PBX3: variants seen among roughly 807,000 people sequenced by gnomAD.
PBX3 encodes the protein pre-B-cell leukemia transcription factor 3.
PBX3 carries 14 observed loss-of-function variants against 48.5 expected under a neutral mutation model. The ratio of observed to expected loss-of-function variants is 0.29; its 90% CI spans 0.19 to 0.45. The LOEUF (loss-of-function observed/expected upper bound fraction) is 0.45. PBX3 is among the 20% of genes least tolerant of loss of function. The probability of loss-of-function intolerance (pLI) is 1.00; values close to 1 mark genes in which losing one functional copy is unlikely to be tolerated. For missense variants in PBX3, 386 were observed against 546.7 expected, an observed-to-expected ratio of 0.71 and a Z score of 2.93; for synonymous variants, 210 against 200.3, an observed-to-expected ratio of 1.05 and a Z score of -0.41.
At chr9:125,846,973 A>G (rs1839441581) in intron 2 of PBX3, among the ~76,000 whole-genome samples, 3 of 151,114 alleles carry the variant, frequency 2.0e-5, no homozygotes, top group South Asian at 2.1e-4. Context: ...CCCAGTCTGT[A>G]TTTTGCTGAT....
intron 3 of PBX3, among the ~76,000 whole-genome samples, chr9:125,918,034 T>C (rs574725181): frequency 6.6e-6 from 1 of 152,316 alleles, no homozygotes; most frequent in African/African-American, 2.4e-5. Context: ...TTATTTGTAG[T>C]ATAATCCTAA....
intron 2 of PBX3, among the ~76,000 whole-genome samples, chr9:125,767,194 T>C (rs753519368): frequency 6.6e-6 from 1 of 152,206 alleles, no homozygotes; most frequent in Non-Finnish European, 1.5e-5. Context: ...TTGGAAGTAA[T>C]TTTGTCATGG....
chr9:125,917,870 G>A (rs1022913801), intron 3 of PBX3, among the ~76,000 whole-genome samples: 2 of 152,066 alleles, frequency 1.3e-5, no homozygotes, highest in Admixed American at 1.3e-4. Flanking sequence ...ATAACTTCTT[G>A]TGGAAAATGT....
At chr9:125,872,585 C>A (rs1190147618) in intron 2 of PBX3, among the ~76,000 whole-genome samples, 1 of 151,762 alleles carries the variant, frequency 6.6e-6, no homozygotes, top group African/African-American at 2.4e-5. Flanking sequence ...ATAGCGAGAC[C>A]CCCATCTCAC....
intron 2 of PBX3, among the ~76,000 whole-genome samples, chr9:125,754,320 T>A (rs1231766673): frequency 2.0e-5 from 3 of 152,082 alleles, no homozygotes; most frequent in Non-Finnish European, 4.4e-5. Flanking sequence ...CACCTCCCCC[T>A]CAAGCCCGTG....
At chr9:125,758,532 AT>A (rs1182024799) in intron 2 of PBX3, among the ~76,000 whole-genome samples, 2 of 152,198 alleles carry the variant, frequency 1.3e-5, no homozygotes, top group African/African-American at 4.8e-5. Context: ...ATTTTCCAAT[AT>A]AAAAAAGTAG....
intron 5 of PBX3, among the ~76,000 whole-genome samples, chr9:125,958,036 C>G (rs117350763): frequency 6.6e-6 from 1 of 152,272 alleles, no homozygotes; most frequent in Non-Finnish European, 1.5e-5. Flanking sequence ...CCTTTATAGT[C>G]CTTTTCCAAT....
chr9:125,821,849 G>T (rs1325718805), intron 2 of PBX3, among the ~76,000 whole-genome samples: 1 of 152,096 alleles, frequency 6.6e-6, no homozygotes, highest in Non-Finnish European at 1.5e-5. Context: ...CTTAAAGGCT[G>T]CTAATGAGAA....
At chr9:125,925,701 T>C (rs1441642092) in intron 3 of PBX3, among the ~76,000 whole-genome samples, 3 of 152,210 alleles carry the variant, frequency 2.0e-5, no homozygotes, top group South Asian at 2.1e-4. Context: ...AAGTGAAATA[T>C]ATTGTTGATT....
intron 2 of PBX3, among the ~76,000 whole-genome samples, chr9:125,833,941 C>A (rs752236095): frequency 1.8e-4 from 27 of 152,124 alleles, no homozygotes; most frequent in Admixed American, 5.2e-4. Context: ...AGTGGCTGTA[C>A]CATTTTGTAT....
intron 2 of PBX3, among the ~76,000 whole-genome samples, chr9:125,790,759 G>T (rs1409211708): frequency 1.3e-5 from 2 of 151,882 alleles, no homozygotes; most frequent in Non-Finnish European, 2.9e-5. Context: ...TAGAGATGGG[G>T]TCTTACTATG....
chr9:125,784,000 C>G (rs1588143502), intron 2 of PBX3, among the ~76,000 whole-genome samples: 1 of 151,824 alleles, frequency 6.6e-6, no homozygotes, highest in South Asian at 2.1e-4. Flanking sequence ...GACTTTGTTT[C>G]AAAAGAAAAA....
intron 2 of PBX3, among the ~76,000 whole-genome samples, chr9:125,757,976 T>C (rs1564639836): frequency 6.6e-6 from 1 of 152,208 alleles, no homozygotes. Flanking sequence ...TTCTTTTAAC[T>C]GTGTATGAGG....
chr9:125,863,118 G>GC (rs1839901643), intron 2 of PBX3, among the ~76,000 whole-genome samples: 1 of 151,846 alleles, frequency 6.6e-6, no homozygotes, highest in Non-Finnish European at 1.5e-5. Context: ...GGCTGGTCTT[G>GC]AACTCCTGGG....
At chr9:125,861,191 A>C (rs1201314711) in intron 2 of PBX3, among the ~76,000 whole-genome samples, 1 of 151,736 alleles carries the variant, frequency 6.6e-6, no homozygotes, top group Non-Finnish European at 1.5e-5. Context: ...GCTACCCGGG[A>C]GGTTGAGGTG....
intron 2 of PBX3, among the ~76,000 whole-genome samples, chr9:125,864,275 A>G (rs1308568360): frequency 2.0e-5 from 3 of 152,074 alleles, no homozygotes. Flanking sequence ...TTTTGAGAAG[A>G]ATTTTGGGAG....
Position 125,929,780 on chromosome 9 carries a change from G to A in PBX3, c.642G>A (p.Gln214=), listed in dbSNP as rs1293982461. ...TCCATCGAAAATTTAGTTCCATTCA[G>A]ATGCAGCTCAAACAAAGCACTTGTG... ...GIIHRKFSSI[Q]MQLKQSTCEA... Residue 214 remains glutamine, a synonymous_variant, in exon 4 of 9, where the codon CAG becomes CAA. Transcript: ENST00000373489. 2 of 1,614,044 alleles carry A rather than the reference G, an allele frequency of 1.2e-6. No homozygotes were observed. Among genetic ancestry groups the A allele is most frequent in the Non-Finnish European group, 1.7e-6 (2 of 1,179,964 alleles).
chr9:125,846,621 A>G (rs527415274), intron 2 of PBX3, among the ~76,000 whole-genome samples: 10 of 152,130 alleles, frequency 6.6e-5, no homozygotes, highest in African/African-American at 1.9e-4. Context: ...CTTATGGCCA[A>G]TCCTGCCCCA....
At chr9:125,958,352 C>A (rs1423947950) in intron 5 of PBX3, among the ~76,000 whole-genome samples, 5 of 152,226 alleles carry the variant, frequency 3.3e-5, no homozygotes, top group Admixed American at 3.3e-4. Flanking sequence ...CCTGTTGCCA[C>A]ATCCTATGCA....
Sources: allele counts gnomAD v4.1 joint callset (sites outside exome capture counted in the v4.1 genomes callset), GRCh38; gene constraint gnomAD v4.1.1; transcripts MANE v1.5; gene names NCBI Gene and HGNC (gene_info 2026-07-23, HGNC 2026-07-21).